The following INPP4B variants were observed in gnomAD, a reference collection of about 807,000 sequenced individuals.
INPP4B encodes the protein inositol polyphosphate-4-phosphatase type II B.
INPP4B carries 55 observed loss-of-function variants against 122.5 expected under a neutral mutation model. The ratio of observed to expected loss-of-function variants is 0.45; its 90% CI spans 0.36 to 0.56. The LOEUF is 0.56. INPP4B is among the 20% of genes least tolerant of loss of function. INPP4B has a pLI of 0.00. For synonymous variants in INPP4B, 403 were observed against 388.7 expected (o/e 1.04, Z -0.43); for missense variants, 1,000 against 1,097.7 (o/e 0.91, Z 1.26).
At chr4:142,081,997 T>TA (rs1465238148) in intron 25 of INPP4B, 34 bp downstream of exon 25, 15 of 1,273,206 alleles carry the variant, frequency 1.2e-5, no homozygotes, top group East Asian at 2.6e-5. Flanking sequence ...AAAATGACCT[T>TA]AAAAGAAAAA....
chr4:142,183,429 C>G (rs1831753337), intron 15 of INPP4B, among the ~76,000 whole-genome samples: 1 of 152,142 alleles, frequency 6.6e-6, no homozygotes, highest in Non-Finnish European at 1.5e-5. Context: ...TGTAACACAG[C>G]CAAGTGTTTG....
At chr4:142,037,146 A>C (rs1389786538) in intron 25 of INPP4B, among the ~76,000 whole-genome samples, 1 of 152,228 alleles carries the variant, frequency 6.6e-6, no homozygotes, top group Non-Finnish European at 1.5e-5. Flanking sequence ...CAGTTGTTAA[A>C]TCTGCAGGAT....
chr4:142,244,819 G>A (rs112135343), intron 11 of INPP4B, among the ~76,000 whole-genome samples: 4,450 of 152,220 alleles, frequency 0.029, 204 homozygotes, highest in African/African-American at 0.1. Flanking sequence ...CTTCTAAAAT[G>A]GTTGAACTAA....
intron 1 of INPP4B, among the ~76,000 whole-genome samples, chr4:142,820,613 A>T (rs1780684353): frequency 6.6e-6 from 1 of 152,176 alleles, no homozygotes; most frequent in Non-Finnish European, 1.5e-5. Context: ...TTTTGAGGTC[A>T]CATAAATGTA....
chr4:142,130,787 C>A (rs1435561609), intron 18 of INPP4B, among the ~76,000 whole-genome samples: 2 of 152,188 alleles, frequency 1.3e-5, no homozygotes, highest in African/African-American at 4.8e-5. Flanking sequence ...AACTGTACTG[C>A]TCAACCCAAG....
At chr4:142,248,852 T>C (rs1730493534) in intron 11 of INPP4B, among the ~76,000 whole-genome samples, 1 of 152,102 alleles carries the variant, frequency 6.6e-6, no homozygotes, top group Non-Finnish European at 1.5e-5. Context: ...TGATTGGAGA[T>C]TTCTAGATCA....
intron 2 of INPP4B, among the ~76,000 whole-genome samples, chr4:142,572,665 A>T (rs986454764): frequency 2.0e-5 from 3 of 152,064 alleles, no homozygotes; most frequent in African/African-American, 7.2e-5. Context: ...GAATGCTCCC[A>T]GATAAAAGAT....
intron 2 of INPP4B, among the ~76,000 whole-genome samples, chr4:142,613,613 G>A (rs1464588686): frequency 6.6e-6 from 1 of 152,100 alleles, no homozygotes. Context: ...CATAATTTCT[G>A]TCCAGAATCT....
At chr4:142,104,133 G>A (rs560804191) in intron 23 of INPP4B, among the ~76,000 whole-genome samples, 2 of 152,124 alleles carry the variant, frequency 1.3e-5, no homozygotes, top group African/African-American at 4.8e-5. Flanking sequence ...AAAGATATGG[G>A]CATTATTAGA....
At chr4:142,352,478 T>C (rs538207568) in intron 7 of INPP4B, among the ~76,000 whole-genome samples, 2 of 151,504 alleles carry the variant, frequency 1.3e-5, no homozygotes, top group African/African-American at 4.8e-5. Flanking sequence ...TTTGTAATTA[T>C]AAATTAATAT....
intron 7 of INPP4B, among the ~76,000 whole-genome samples, chr4:142,381,135 G>GGAT (rs1793946798): frequency 6.6e-6 from 1 of 152,022 alleles, no homozygotes; most frequent in African/African-American, 2.4e-5. Context: ...TAACATTGCT[G>GGAT]GATCAAAATG....
chr4:142,078,044 A>G (rs887377021), intron 25 of INPP4B, among the ~76,000 whole-genome samples: 2 of 151,872 alleles, frequency 1.3e-5, no homozygotes, highest in Admixed American at 6.6e-5. Flanking sequence ...AACCACTAAG[A>G]GATCCTTAGA....
chr4:142,486,012 C>T (rs1162944098), intron 2 of INPP4B, among the ~76,000 whole-genome samples: 2 of 151,964 alleles, frequency 1.3e-5, no homozygotes, highest in Non-Finnish European at 2.9e-5. Context: ...CCTACAAAAC[C>T]CCTCTATACT....
chr4:142,373,526 T>C (rs1790686754), intron 7 of INPP4B, among the ~76,000 whole-genome samples: 2 of 151,994 alleles, frequency 1.3e-5, no homozygotes, highest in Admixed American at 6.6e-5. Context: ...TTCTACTTCA[T>C]AGATTTGTGA....
chr4:142,290,251 G>A (rs1340882065), intron 9 of INPP4B, among the ~76,000 whole-genome samples: 11 of 121,680 alleles, frequency 9.0e-5, no homozygotes, highest in Admixed American at 1.1e-4. Context: ...CTGTTGCCCA[G>A]GCTGGAATGC....
intron 25 of INPP4B, among the ~76,000 whole-genome samples, chr4:142,060,185 T>A (rs1347964305): frequency 6.6e-6 from 1 of 152,164 alleles, no homozygotes; most frequent in African/African-American, 2.4e-5. Flanking sequence ...CTATAAGTGT[T>A]TGGTTGCAGA....
intron 1 of INPP4B, among the ~76,000 whole-genome samples, chr4:142,781,612 G>A (rs904539304): frequency 6.6e-6 from 1 of 152,136 alleles, no homozygotes; most frequent in Non-Finnish European, 1.5e-5. Context: ...CTGTGATTTA[G>A]TGAAACTGGA....
intron 15 of INPP4B, among the ~76,000 whole-genome samples, chr4:142,174,722 G>A (rs960928422): frequency 3.3e-5 from 5 of 151,618 alleles, no homozygotes; most frequent in Admixed American, 6.6e-5. Context: ...ACTCTTTGTC[G>A]GCAATGATCC....
chr4:142,032,221 T>G (rs1400890554), intron 25 of INPP4B, among the ~76,000 whole-genome samples: 1 of 152,030 alleles, frequency 6.6e-6, no homozygotes, highest in African/African-American at 2.4e-5. Flanking sequence ...GAAGGAATAC[T>G]GAGAGGGTGT....
Sources: gnomAD v4.1 joint callset for allele counts (sites outside exome capture counted in the v4.1 genomes callset) on GRCh38, gnomAD v4.1.1 for gene constraint, MANE v1.5 for transcripts, NCBI Gene and HGNC (gene_info 2026-07-23, HGNC 2026-07-21) for gene names.